Variants in NDUFAF6 observed in about 807,000 individuals in gnomAD.
NDUFAF6 encodes the protein NADH dehydrogenase (ubiquinone) complex I, assembly factor 6.
NDUFAF6 carries 45 observed loss-of-function variants against 40.8 expected under a neutral mutation model. The ratio of observed to expected loss-of-function variants is 1.10; its 90% CI spans 0.87 to 1.42. NDUFAF6 has a LOEUF of 1.42. Among genes scored for constraint, NDUFAF6 ranks in the 40% most tolerant of loss-of-function variants. The pLI, the probability that NDUFAF6 is intolerant of heterozygous loss-of-function variation, is 0.00. For synonymous variants in NDUFAF6, 185 were observed against 155.9 expected, an observed-to-expected ratio of 1.19 and a Z score of -1.39; for missense variants, 435 against 418.5, an observed-to-expected ratio of 1.04 and a Z score of -0.34.
intron 1 of NDUFAF6, among the ~76,000 whole-genome samples, chr8:95,027,971 G>T (rs1445047251): frequency 6.6e-6 from 1 of 152,214 alleles, no homozygotes; most frequent in Non-Finnish European, 1.5e-5. Context: ...TGGCTTTGAG[G>T]AGGATAAACA....
At chr8:94,919,007 A>T (rs1819321215) in intron 1 of NDUFAF6, among the ~76,000 whole-genome samples, 1 of 152,124 alleles carries the variant, frequency 6.6e-6, no homozygotes, top group Admixed American at 6.5e-5. Flanking sequence ...AACTTGAAAA[A>T]CTTAAGTTTT....
chr8:95,024,512 G>A (rs1827846693), upstream of NDUFAF6, among the ~76,000 whole-genome samples: 1 of 152,370 alleles, frequency 6.6e-6, no homozygotes, highest in South Asian at 2.1e-4. Context: ...GAGGCCTTTG[G>A]TGGTGTGTGG....
intron 5 of NDUFAF6, among the ~76,000 whole-genome samples, chr8:95,045,996 A>G (rs536662643): frequency 1.3e-5 from 2 of 152,168 alleles, no homozygotes; most frequent in African/African-American, 4.8e-5. Context: ...AATAGTACTT[A>G]TCCATGGAAA....
chr8:94,993,879 A>G (rs1826301777), intron 2 of NDUFAF6, among the ~76,000 whole-genome samples: 1 of 152,222 alleles, frequency 6.6e-6, no homozygotes, highest in Admixed American at 6.5e-5. Context: ...GAAATTATAT[A>G]AAAACTATCA....
At chr8:95,064,928 A>T (rs1055038617) in intron 9 of NDUFAF6, among the ~76,000 whole-genome samples, 4 of 152,114 alleles carry the variant, frequency 2.6e-5, no homozygotes, top group Admixed American at 2.0e-4. Context: ...ACAGTTGTCA[A>T]TTATGCCTAT....
At chr8:95,097,052 G>A (rs956238596), upstream of NDUFAF6, among the ~76,000 whole-genome samples, 1 of 152,204 alleles carries the variant, frequency 6.6e-6, no homozygotes, top group African/African-American at 2.4e-5. Flanking sequence ...AAGGAGAGAC[G>A]CACACTCTCT....
chr8:94,958,805 C>T (rs78851354), intron 1 of NDUFAF6, among the ~76,000 whole-genome samples: 4,136 of 152,138 alleles, frequency 0.027, 150 homozygotes, highest in African/African-American at 0.087. Flanking sequence ...GCCACTGCGC[C>T]CAGTCATGTA....
intron 1 of NDUFAF6, among the ~76,000 whole-genome samples, chr8:94,961,107 C>T (rs773405354): frequency 3.3e-5 from 5 of 152,194 alleles, no homozygotes; most frequent in Non-Finnish European, 7.3e-5. Flanking sequence ...ACGAACAATA[C>T]AGAGAAGCAA....
At chr8:95,012,438 T>TATCTATAGGCTAGTAAAG (rs1827262767) in intron 2 of NDUFAF6, among the ~76,000 whole-genome samples, 1 of 152,226 alleles carries the variant, frequency 6.6e-6, no homozygotes, top group African/African-American at 2.4e-5. Context: ...CTGATAAAGC[T>TATCTATAGGCTAGTAAAG]ACACACAGCT....
At chr8:94,967,666 C>T (rs532034535) in intron 1 of NDUFAF6, among the ~76,000 whole-genome samples, 2 of 152,000 alleles carry the variant, frequency 1.3e-5, no homozygotes, top group Admixed American at 6.5e-5. Flanking sequence ...GCACCACGGG[C>T]GCGGTGGCTC....
chr8:94,980,453 T>TTG, intron 1 of NDUFAF6, among the ~76,000 whole-genome samples: 2 of 145,962 alleles, frequency 1.4e-5, no homozygotes, highest in African/African-American at 5.0e-5. Context: ...TTTTTTTTTT[T>TTG]TTTTTTTTTG....
intron 1 of NDUFAF6, among the ~76,000 whole-genome samples, chr8:94,938,840 G>T (rs1221838196): frequency 1.3e-5 from 2 of 152,196 alleles, no homozygotes; most frequent in Non-Finnish European, 2.9e-5. Context: ...CCCAAGGAAG[G>T]GGTCGTGGGA....
At chr8:95,052,919 G>C (rs953534706) in intron 8 of NDUFAF6, among the ~76,000 whole-genome samples, 1 of 152,154 alleles carries the variant, frequency 6.6e-6, no homozygotes, top group African/African-American at 2.4e-5. Context: ...AACCTTTTAT[G>C]AGACAGGGCT....
intron 2 of NDUFAF6, among the ~76,000 whole-genome samples, chr8:94,987,688 C>T (rs941118454): frequency 1.3e-5 from 2 of 152,150 alleles, no homozygotes; most frequent in Admixed American, 6.5e-5. Flanking sequence ...TAAGAAGCCC[C>T]ACCCCCTCCT....
At chr8:95,037,035 A>T (rs1253282527) in intron 3 of NDUFAF6, among the ~76,000 whole-genome samples, 2 of 152,190 alleles carry the variant, frequency 1.3e-5, no homozygotes, top group African/African-American at 4.8e-5. Flanking sequence ...AACAATGACA[A>T]TGTGTTATCC....
intron 2 of NDUFAF6, among the ~76,000 whole-genome samples, chr8:95,000,331 C>T (rs1826663290): frequency 6.6e-6 from 1 of 151,874 alleles, no homozygotes; most frequent in Non-Finnish European, 1.5e-5. Context: ...GAATGAAACC[C>T]TGTCTGAAAA....
At chr8:95,035,400 A>AT (rs1829375434) in intron 2 of NDUFAF6, 54 bp from the exon 3 acceptor site, 1 of 1,601,084 alleles carries the variant, frequency 6.2e-7, no homozygotes, top group Non-Finnish European at 8.5e-7. Flanking sequence ...AAAGATACTG[A>AT]TTTTTTAGAC....
At chr8:95,015,985 G>C (rs1031152246) in intron 2 of NDUFAF6, among the ~76,000 whole-genome samples, 1 of 152,162 alleles carries the variant, frequency 6.6e-6, no homozygotes, top group Non-Finnish European at 1.5e-5. Flanking sequence ...GATATCACCA[G>C]ACATTCCTGG....
chr8:95,043,180 G>C (rs1830335759), intron 4 of NDUFAF6, among the ~76,000 whole-genome samples: 1 of 151,580 alleles, frequency 6.6e-6, no homozygotes, highest in Non-Finnish European at 1.5e-5. Context: ...CGCCTCCTGG[G>C]TTCAAGCAGT....
Sources: gnomAD v4.1 joint callset for allele counts (sites outside exome capture counted in the v4.1 genomes callset) on GRCh38, gnomAD v4.1.1 for gene constraint, MANE v1.5 for transcripts, NCBI Gene and HGNC (gene_info 2026-07-23, HGNC 2026-07-21) for gene names.